The following TMEM120B variants were observed in gnomAD, a reference collection of about 807,000 sequenced individuals.
TMEM120B encodes transmembrane protein 120B.
A neutral mutation model predicts 55.5 loss-of-function variants in TMEM120B; 31 were observed. The ratio of observed to expected loss-of-function variants is 0.56; its 90% CI spans 0.42 to 0.75. The LOEUF (loss-of-function observed/expected upper bound fraction) is 0.75. Ranked by LOEUF, TMEM120B falls within the 30% of genes least tolerant of loss-of-function variation. The pLI, the probability that TMEM120B is intolerant of heterozygous loss-of-function variation, is 0.00. For synonymous variants in TMEM120B, 203 were observed against 176.3 expected, an observed-to-expected ratio of 1.15 and a Z score of -1.20; for missense variants, 399 against 425.5, an observed-to-expected ratio of 0.94 and a Z score of 0.55.
chr12:121,725,746 T>C (rs188761613), intron 1 of TMEM120B, among the ~76,000 whole-genome samples: 270 of 152,190 alleles, frequency 1.8e-3, no homozygotes, highest in African/African-American at 6.4e-3. Flanking sequence ...AAAAGAACTA[T>C]AGAGACAGGG....
intron 1 of TMEM120B, among the ~76,000 whole-genome samples, chr12:121,717,104 A>T (rs529695242): frequency 6.6e-6 from 1 of 152,302 alleles, no homozygotes; most frequent in African/African-American, 2.4e-5. Context: ...GGTTTCAGGC[A>T]TGCTGGTGAG....
rs1012255393 is a variant in TMEM120B, at chr12:121,781,042, G to A, written c.*5320G>A. On this transcript the variant is annotated 3_prime_UTR_variant, in exon 12 of 12. Coordinates refer to ENST00000449592, the MANE Select transcript of TMEM120B (RefSeq NM_001080825.2). ...AGGAGGCGGGATCAGGGGTGCGGCCGGGCCCAGATGTGGGGCCACCACCCA... is the reference window on the plus strand; with the variant it reads ...AGGAGGCGGGATCAGGGGTGCGGCCAGGCCCAGATGTGGGGCCACCACCCA... 5.6e-6 allele frequency: 9 copies of A among 1,613,466 alleles called. No homozygotes were observed. Among genetic ancestry groups the A allele is most frequent in the Admixed American group, 1.7e-5 (1 of 59,962 alleles).
At chr12:121,770,808 G>GT (rs1223137595) in intron 6 of TMEM120B, 99 bp from the exon 7 acceptor site, 1 of 1,104,576 alleles carries the variant, frequency 9.1e-7, no homozygotes, top group African/African-American at 1.5e-5. Context: ...CCGTCTCTGA[G>GT]TGCAGAGTAA....
At chr12:121,761,517 AT>A in intron 5 of TMEM120B, 131 bp from the exon 6 acceptor site, 1 of 640,818 alleles carries the variant, frequency 1.6e-6, no homozygotes, top group South Asian at 1.8e-5. Flanking sequence ...CCCTGGTGTC[AT>A]AAGGGCTTCC....
chr12:121,730,257 CAAA>C (rs111608601), intron 1 of TMEM120B, among the ~76,000 whole-genome samples: 3 of 82,248 alleles, frequency 3.6e-5, no homozygotes, highest in Non-Finnish European at 5.1e-5. Flanking sequence ...GACTCCATCT[CAAA>C]AAAAAAAAAA....
In TMEM120B at chr12:121,771,533, A is replaced by G; in HGVS notation, c.663A>G (p.Ala221=). The G allele has an allele frequency of 6.2e-7, 1 of 1,613,770 alleles. No homozygotes were observed. Among genetic ancestry groups the G allele is most frequent in the African/African-American group, 1.3e-5 (1 of 74,878 alleles). Residue 221 remains alanine, a synonymous_variant, in exon 8 of 12, where the codon GCA becomes GCG. Transcript: ENST00000449592. ...AGAAGTTTCGCAACCAGTTCTTAGCATTTTCCATTTTTCAGAGTGAGTGAC... is the reference window on the plus strand; with the variant it reads ...AGAAGTTTCGCAACCAGTTCTTAGCGTTTTCCATTTTTCAGAGTGAGTGAC... The part of the protein sequence containing the change: ...IYQKFRNQFL[A]FSIFQSCVQF...
intron 1 of TMEM120B, among the ~76,000 whole-genome samples, chr12:121,724,051 T>C (rs1275949771): frequency 8.3e-6 from 1 of 120,866 alleles, no homozygotes; most frequent in Non-Finnish European, 1.7e-5. Flanking sequence ...TTTTTTTTTT[T>C]TTTTGAGATG....
chr12:121,727,372 C>CA (rs1355712418), intron 1 of TMEM120B, among the ~76,000 whole-genome samples: 3 of 150,248 alleles, frequency 2.0e-5, no homozygotes, highest in East Asian at 3.9e-4. Flanking sequence ...CCCGTCTCTG[C>CA]AAAAAAATAA....
Position 121,712,895 on chromosome 12 carries a change from C to T in TMEM120B, c.-1C>T, listed in dbSNP as rs1894626108. On this transcript the variant is annotated 5_prime_UTR_variant, in exon 1 of 12. Coordinates refer to ENST00000449592, the MANE Select transcript of TMEM120B (RefSeq NM_001080825.2). ...GCACCGCCGCCTTGCACCATCGCAT[C>T]ATGTCCGGGCAGCTGGAGCGTTGCG... The T allele has an allele frequency of 2.6e-6, 4 of 1,526,228 alleles. No individual in the cohort carries two copies. The highest frequency in any genetic ancestry group is 2.9e-5 in the African/African-American group (2 of 69,152). The allele number at this position is 1,526,228 out of a possible 1,614,324, so 94.5% of individuals were successfully genotyped here. A position where few individuals can be genotyped will look rare whatever the true frequency, so the allele number is the denominator to read the frequency against.
Position 121,715,968 on chromosome 12 carries a change from T to C in TMEM120B, c.69+3004T>C, listed in dbSNP as rs558472332. Among the ~76,000 whole-genome samples the C allele has an allele frequency of 8.0e-5, 12 of 150,250 alleles. No individual in the cohort carries two copies. The Middle Eastern group carries it at 0.017, about 213-fold the overall frequency. ...CTGTATATGGTAAGTAGGATGTCCATTGCGTATGTGCTGGGCAGTTTCGGA... is the reference window on the plus strand; with the variant it reads ...CTGTATATGGTAAGTAGGATGTCCACTGCGTATGTGCTGGGCAGTTTCGGA... On this transcript the variant is annotated intron_variant, in intron 1 of 11. Transcript: ENST00000449592.
chr12:121,770,869 C>CAT, intron 6 of TMEM120B, 38 bp from the exon 7 acceptor site: 1 of 1,603,256 alleles, frequency 6.2e-7, no homozygotes, highest in Non-Finnish European at 8.5e-7. Context: ...GCGTTGCTCT[C>CAT]CCCTCCTGAG....
chr12:121,750,253 T>G, intron 3 of TMEM120B, 127 bp from the exon 4 acceptor site: 2 of 865,876 alleles, frequency 2.3e-6, no homozygotes, highest in Non-Finnish European at 3.8e-6. Context: ...ATTTGCCCGC[T>G]GAGCTTAGGC....
intron 6 of TMEM120B, among the ~76,000 whole-genome samples, chr12:121,766,080 C>T (rs1413351309): frequency 1.3e-5 from 2 of 152,152 alleles, no homozygotes; most frequent in African/African-American, 4.8e-5. Flanking sequence ...GAGACGGCGT[C>T]GCTGAACCCT....
At chr12:121,746,945 A>G (rs954098117) in intron 2 of TMEM120B, among the ~76,000 whole-genome samples, 57 of 151,506 alleles carry the variant, frequency 3.8e-4, no homozygotes, top group African/African-American at 1.3e-3. Flanking sequence ...GCGACAGAGC[A>G]AGACTCTGTC....
rs376481602 is a variant in TMEM120B, at chr12:121,776,954, CT to C, written c.*1250del. The C allele has an allele frequency of 2.3e-3, 310 of 132,540 alleles. No homozygotes were observed. The highest frequency in any genetic ancestry group is 0.013 in the East Asian group (59 of 4,456). 8.2% of individuals were successfully genotyped at this position (132,540 alleles called of 1,614,324 possible). On this transcript the variant is annotated 3_prime_UTR_variant, in exon 12 of 12. Coordinates refer to ENST00000449592, the MANE Select transcript of TMEM120B (RefSeq NM_001080825.2). ...AATCACACACCACCATGCCCTGCTC[CT>C]TTTTTTTTTTTTTTTTTGAGATGGG...
At chr12:121,761,167 TG>T (rs547386561) in intron 5 of TMEM120B, among the ~76,000 whole-genome samples, 84 of 152,184 alleles carry the variant, frequency 5.5e-4, no homozygotes, top group African/African-American at 1.9e-3. Context: ...TTAGTAGAGA[TG>T]GAGTTTCACC....
intron 5 of TMEM120B, chr12:121,758,404 ACCATGGAGGAGGACGGCCCAGCCCCGCG>A (rs1873548995): frequency 2.0e-6 from 2 of 982,656 alleles, no homozygotes; most frequent in Admixed American, 1.2e-4. Flanking sequence ...CGCTGTGGTC[ACCATGGAGGAGGACGGCCCAGCCCCGCG>A]CTGTGGTCAC....
Position 121,779,582 on chromosome 12 carries a change from G to C in TMEM120B, c.*3860G>C. The stretch of plus-strand genomic sequence containing the variant: ...GAGCCACCTTGGCGGCCTCCCGGAA[G>C]ACGTCCTCCACATTCTCCCGAAACT... On this transcript the variant is annotated 3_prime_UTR_variant, in exon 12 of 12. Coordinates refer to ENST00000449592, the MANE Select transcript of TMEM120B (RefSeq NM_001080825.2). The C allele has an allele frequency of 6.2e-7, 1 of 1,614,192 alleles. No homozygotes were observed. Among genetic ancestry groups the C allele is most frequent in the Non-Finnish European group, 8.5e-7 (1 of 1,180,044 alleles).
At position 121,775,922 on chromosome 12, in the gene TMEM120B, G is replaced by A. The variant is rs569301359; in HGVS notation, c.*200G>A. The A allele has an allele frequency of 6.3e-6, 4 of 634,718 alleles. No homozygotes were observed. In the South Asian group the frequency reaches 7.4e-5, roughly 12 times the overall value. The allele number at this position is 634,718 out of a possible 1,614,324, so 39.3% of individuals were successfully genotyped here. On this transcript the variant is annotated 3_prime_UTR_variant, in exon 12 of 12. Transcript: ENST00000449592. This position sits in a 1 kb window ranked among gnomAD's most constrained non-coding sequence, Gnocchi z 4.3. ...CCCACCTATTTATGACATATTTAAT[G>A]CTGGGTCCCCCATCGTCCCTGGAAC... is the stretch of plus-strand genomic sequence containing the variant.
Sources: gnomAD v4.1 joint callset for allele counts (sites outside exome capture counted in the v4.1 genomes callset) on GRCh38, gnomAD v4.1.1 for gene constraint, Gnocchi (gnomAD v3.1) non-coding constraint, MANE v1.5 for transcripts, NCBI Gene and HGNC (gene_info 2026-07-23, HGNC 2026-07-21) for gene names.